Variants in LHX6 observed in about 807,000 individuals in gnomAD.
The protein encoded by LHX6 is LIM/homeobox protein Lhx6.
Under a neutral mutation model 47.1 loss-of-function variants are expected in LHX6, and 15 were observed. The ratio of observed to expected loss-of-function variants is 0.32; its 90% CI spans 0.21 to 0.49. LHX6 has a LOEUF of 0.49. LHX6 is among the 20% of genes least tolerant of loss of function. LHX6 has a pLI of 0.99. For synonymous variants in LHX6, 242 were observed against 233.5 expected, an observed-to-expected ratio of 1.04 and a Z score of -0.33; for missense variants, 404 against 539.6, an observed-to-expected ratio of 0.75 and a Z score of 2.49.
chr9:122,228,292 C>G, intron 1 of LHX6: 1 of 1,534,988 alleles, frequency 6.5e-7, no homozygotes, highest in Non-Finnish European at 8.7e-7. Flanking sequence ...TCCAGCCCCT[C>G]GGCGCGCCGG....
At position 122,205,183 on chromosome 9, in the gene LHX6, G is replaced by A. The variant is rs76030127; in HGVS notation, c.1159-403C>T. Among the ~76,000 whole-genome samples the A allele has an allele frequency of 2.8e-3, 428 of 152,284 alleles. 4 individuals carry two copies. Among genetic ancestry groups the A allele is most frequent in the Middle Eastern group, 0.027 (8 of 294 alleles). On this transcript the variant is annotated intron_variant, in intron 9 of 9. Coordinates refer to ENST00000394319, the MANE Select transcript of LHX6 (RefSeq NM_014368.5). Reference sequence around the variant, plus strand: ...CAAAGAGGTGGAAGCGAGTGAGCTCGTGGGCACACAGCGAGGAGGAGGACC... The same window carrying A: ...CAAAGAGGTGGAAGCGAGTGAGCTCATGGGCACACAGCGAGGAGGAGGACC...
At chr9:122,207,472 G>A (rs1413713535) in intron 9 of LHX6, among the ~76,000 whole-genome samples, 2 of 152,172 alleles carry the variant, frequency 1.3e-5, no homozygotes, top group African/African-American at 4.8e-5. Flanking sequence ...CCACAAAGTG[G>A]CTGGGAGGTG....
intron 4 of LHX6, among the ~76,000 whole-genome samples, chr9:122,220,761 G>T (rs1023454393): frequency 6.6e-6 from 1 of 152,186 alleles, no homozygotes; most frequent in South Asian, 2.1e-4. Context: ...AAAGAGTAAG[G>T]TGGGCGTCGC....
chr9:122,214,452 G>C lies in LHX6; in HGVS notation c.683-69C>G. 6.9e-7 allele frequency: 1 copy of C among 1,442,904 alleles called. No homozygotes were observed. The highest frequency in any genetic ancestry group is 9.1e-7 in the Non-Finnish European group (1 of 1,102,326). The allele number at this position is 1,442,904 out of a possible 1,614,324, so 89.4% of individuals were successfully genotyped here. On this transcript the variant is annotated intron_variant, in intron 5 of 9. Transcript: ENST00000394319. The surrounding 1 kb of genome is among the most constrained non-coding windows in gnomAD (Gnocchi z 4.6). Reference sequence around the variant, plus strand: ...TAGTGGCAGCCTGGAAAGGACGGGGGTGGGGGGAGCTTGTCCCTGGAAGGG... The same window carrying C: ...TAGTGGCAGCCTGGAAAGGACGGGGCTGGGGGGAGCTTGTCCCTGGAAGGG...
chr9:122,211,877 C>T (rs1164743176), intron 8 of LHX6, among the ~76,000 whole-genome samples: 1 of 152,180 alleles, frequency 6.6e-6, no homozygotes, highest in African/African-American at 2.4e-5. Context: ...CTTATAGCGC[C>T]CCTGATCCTT....
chr9:122,220,354 G>A (rs530921862), intron 4 of LHX6, among the ~76,000 whole-genome samples: 1 of 152,310 alleles, frequency 6.6e-6, no homozygotes, highest in African/African-American at 2.4e-5. Context: ...TTGAGGTGGG[G>A]TTAGGGGGGA....
chr9:122,219,120 G>A (rs989707349), intron 4 of LHX6, among the ~76,000 whole-genome samples: 4 of 152,182 alleles, frequency 2.6e-5, no homozygotes, highest in Non-Finnish European at 4.4e-5. Flanking sequence ...AAAGGCTCTG[G>A]TTACAGCCTG....
chr9:122,208,026 G>A lies in LHX6; in HGVS notation c.1158+1588C>T, dbSNP rs1036358896. On this transcript the variant is annotated intron_variant, in intron 9 of 9. Coordinates refer to ENST00000394319, the MANE Select transcript of LHX6 (RefSeq NM_014368.5). The stretch of plus-strand genomic sequence containing the variant: ...GGACTGCCACACCCACTGACCTCCA[G>A]GGATCCCTGCTTCCTACTGGGTGTC... Among the ~76,000 whole-genome samples the A allele has an allele frequency of 3.3e-5, 5 of 152,080 alleles. No individual in the cohort carries two copies. The East Asian group carries it at 9.6e-4, about 29-fold the overall frequency.
chr9:122,228,497 C>G (rs1039332360), intron 1 of LHX6, 160 bp downstream of exon 1: 9 of 1,422,046 alleles, frequency 6.3e-6, no homozygotes, highest in Non-Finnish European at 8.2e-6. Context: ...CCCCCCCCCC[C>G]CGCTCGCGCG....
chr9:122,214,372 T>C lies in LHX6; in HGVS notation c.694A>G (p.Thr232Ala), dbSNP rs756959110. 5 of 1,568,312 alleles carry C rather than the reference T, an allele frequency of 3.2e-6. No individual in the cohort carries two copies. Residue 232 changes from threonine (T) to alanine (A), a missense_variant, in exon 6 of 10, where the codon ACG becomes GCG. Physicochemically the swap from Thr to Ala is moderately conservative, Grantham distance 58 (BLOSUM62 0). Coordinates refer to ENST00000394319, the MANE Select transcript of LHX6 (RefSeq NM_014368.5). The surrounding 1 kb of genome is among the most constrained non-coding windows in gnomAD (Gnocchi z 4.6). ...KRAAENGNGL[T>A]LEGAVPSEQD... ...TCCGAGGGCACTGCCCCCTCCAACG[T>C]GAGGCCGTTCCCTGGGGGCGATAGA...
At chr9:122,221,617 C>T (rs1830865532) in intron 4 of LHX6, 4 of 985,422 alleles carry the variant, frequency 4.1e-6, no homozygotes, top group Non-Finnish European at 4.8e-6. Context: ...TCCCCACTCC[C>T]ATTGTCAGAA....
At chr9:122,228,619 C>A in intron 1 of LHX6, 38 bp downstream of exon 1, 2 of 1,307,170 alleles carry the variant, frequency 1.5e-6, no homozygotes, top group South Asian at 2.2e-5. Context: ...CTGCCCGACC[C>A]CGGCCCGGGC....
chr9:122,213,952 G>GGCCC lies in LHX6; in HGVS notation c.879+21_879+22insGGGC. Reference sequence around the variant, plus strand: ...TCCGGGGCGTGCCCGCGGTCCCCAGGCCCCGCCCACCCCCGTCCCACCTGG... The same window carrying GGCCC: ...TCCGGGGCGTGCCCGCGGTCCCCAGGGCCCCCCCGCCCACCCCCGTCCCACCTGG... On this transcript the variant is annotated intron_variant, in intron 7 of 9. Coordinates refer to ENST00000394319, the MANE Select transcript of LHX6 (RefSeq NM_014368.5). This position sits in a 1 kb window ranked among gnomAD's most constrained non-coding sequence, Gnocchi z 5.5. 4 of 1,461,948 alleles carry GGCCC rather than the reference G, an allele frequency of 2.7e-6. No homozygotes were observed. Among genetic ancestry groups the GGCCC allele is most frequent in the Non-Finnish European group, 3.8e-6 (4 of 1,055,344 alleles). 90.6% of individuals were successfully genotyped at this position (1,461,948 alleles called of 1,614,324 possible). A position where few individuals can be genotyped will look rare whatever the true frequency, so the allele number is the denominator to read the frequency against.
At chr9:122,206,975 G>T (rs1225331468) in intron 9 of LHX6, among the ~76,000 whole-genome samples, 1 of 152,050 alleles carries the variant, frequency 6.6e-6, no homozygotes, top group Admixed American at 6.5e-5. Flanking sequence ...CCTCTTCTGG[G>T]TCCTCTAAGG....
Position 122,213,553 on chromosome 9 carries a change from C to G in LHX6, c.1054+53G>C. ...CGGCCTCAGCCGCCCACGTGCGCTC[C>G]TCCGCGCCCCCTCCCCGCAGGCCCA... On this transcript the variant is annotated intron_variant, in intron 8 of 9. Transcript: ENST00000394319. The surrounding 1 kb of genome is among the most constrained non-coding windows in gnomAD (Gnocchi z 5.5). 1 of 1,482,992 alleles carries G rather than the reference C, an allele frequency of 6.7e-7. No individual in the cohort carries two copies. Among genetic ancestry groups the G allele is most frequent in the Non-Finnish European group, 8.9e-7 (1 of 1,119,056 alleles). 91.9% of individuals were successfully genotyped at this position (1,482,992 alleles called of 1,614,324 possible). A position where few individuals can be genotyped will look rare whatever the true frequency, so the allele number is the denominator to read the frequency against.
At position 122,213,149 on chromosome 9, in the gene LHX6, C is replaced by G. The variant is rs556998321; in HGVS notation, c.1054+457G>C. 9.9e-5 allele frequency among the ~76,000 whole-genome samples: 15 copies of G among 152,148 alleles called. No homozygotes were observed. The East Asian group carries it at 2.9e-3, about 30-fold the overall frequency. ...TATCCATCCTTTCAGTCTCTGCTTG[C>G]TGAAAGGCAGCCCAGCCCCTTCCCT... On this transcript the variant is annotated intron_variant, in intron 8 of 9. Transcript: ENST00000394319. The surrounding 1 kb of genome is among the most constrained non-coding windows in gnomAD (Gnocchi z 5.5).
At chr9:122,228,488 C>G in intron 1 of LHX6, 169 bp downstream of exon 1, 1 of 1,291,218 alleles carries the variant, frequency 7.7e-7, no homozygotes, top group Non-Finnish European at 9.8e-7. Flanking sequence ...TTTCCGCGAC[C>G]CCCCCCCCCC....
chr9:122,209,482 G>A lies in LHX6; in HGVS notation c.1158+132C>T, dbSNP rs1484317597. 2.1e-5 allele frequency: 28 copies of A among 1,358,942 alleles called. No individual in the cohort carries two copies. The Admixed American group carries it at 3.8e-4, about 18-fold the overall frequency. 84.2% of individuals were successfully genotyped at this position (1,358,942 alleles called of 1,614,324 possible). A position where few individuals can be genotyped will look rare whatever the true frequency, so the allele number is the denominator to read the frequency against. On this transcript the variant is annotated intron_variant, in intron 9 of 9. Transcript: ENST00000394319. ...TGACTGCTGTGGGGGTGCGGTGGGGGTCTCAGCAGGCCGGGCAGACAGGGT... is the reference window on the plus strand; with the variant it reads ...TGACTGCTGTGGGGGTGCGGTGGGGATCTCAGCAGGCCGGGCAGACAGGGT...
At chr9:122,210,103 C>G (rs1033458558) in intron 8 of LHX6, among the ~76,000 whole-genome samples, 1 of 152,026 alleles carries the variant, frequency 6.6e-6, no homozygotes, top group East Asian at 1.9e-4. Flanking sequence ...CTTGATCTGA[C>G]CTCATGGGGT....
Sources: allele counts gnomAD v4.1 joint callset (sites outside exome capture counted in the v4.1 genomes callset), GRCh38; gene constraint gnomAD v4.1.1; non-coding constraint Gnocchi (gnomAD v3.1); transcripts MANE v1.5; gene names NCBI Gene and HGNC (gene_info 2026-07-23, HGNC 2026-07-21).